The following ANGPT1 variants were observed in gnomAD, a reference collection of about 807,000 sequenced individuals.
The protein encoded by ANGPT1 is angiopoietin 1, also known as angiopoietin-1.
A neutral mutation model predicts 62.2 loss-of-function variants in ANGPT1; 17 were observed. The observed-to-expected ratio is 0.27, with a 90% CI of 0.19 to 0.41. The LOEUF (loss-of-function observed/expected upper bound fraction) is 0.41, where lower values mean the gene tolerates loss of function less well. ANGPT1 is among the 10% of genes least tolerant of loss of function. ANGPT1 has a pLI of 1.00. For synonymous variants in ANGPT1, 199 were observed against 198.9 expected (o/e 1.00, Z 0.00); for missense variants, 478 against 594.9 (o/e 0.80, Z 2.04).
chr8:107,460,422 G>T (rs1381778983), intron 1 of ANGPT1, among the ~76,000 whole-genome samples: 1 of 152,086 alleles, frequency 6.6e-6, no homozygotes, highest in Non-Finnish European at 1.5e-5. Flanking sequence ...AACTAAAAAT[G>T]AAATTAGATA....
At chr8:107,361,146 A>G (rs925523733) in intron 1 of ANGPT1, among the ~76,000 whole-genome samples, 2 of 152,124 alleles carry the variant, frequency 1.3e-5, no homozygotes, top group Non-Finnish European at 2.9e-5. Context: ...GGATTCTAAC[A>G]TTATTATATG....
At chr8:107,440,992 C>T (rs559492122) in intron 1 of ANGPT1, among the ~76,000 whole-genome samples, 2 of 152,142 alleles carry the variant, frequency 1.3e-5, no homozygotes, top group Admixed American at 1.3e-4. Flanking sequence ...TAGCAGAAAC[C>T]AACCATGGCA....
At chr8:107,315,900 C>A (rs1370065073) in intron 4 of ANGPT1, among the ~76,000 whole-genome samples, 1 of 152,102 alleles carries the variant, frequency 6.6e-6, no homozygotes, top group Non-Finnish European at 1.5e-5. Flanking sequence ...TATGATTTTA[C>A]CTCTTGTCTC....
chr8:107,317,111 T>C (rs1815032301), intron 4 of ANGPT1, among the ~76,000 whole-genome samples: 1 of 152,242 alleles, frequency 6.6e-6, no homozygotes, highest in South Asian at 2.1e-4. Flanking sequence ...TATTTCTCTG[T>C]GAGCTTTGCT....
chr8:107,491,548 A>G (rs949126571), intron 1 of ANGPT1, among the ~76,000 whole-genome samples: 6 of 152,178 alleles, frequency 3.9e-5, no homozygotes, highest in Admixed American at 3.3e-4. Context: ...AATGAAGAGA[A>G]GTAGCCAACC....
At chr8:107,468,551 G>A (rs2130492418) in intron 1 of ANGPT1, among the ~76,000 whole-genome samples, 1 of 151,888 alleles carries the variant, frequency 6.6e-6, no homozygotes, top group South Asian at 2.1e-4. Flanking sequence ...AATATTAATA[G>A]CCAGATTAAT....
In ANGPT1 at chr8:107,260,087, T is replaced by C. The variant is rs142680791; in HGVS notation, c.1336+4134A>G. 1.2e-3 allele frequency among the ~76,000 whole-genome samples: 188 copies of C among 152,284 alleles called. 1 individual carries two copies. Among genetic ancestry groups the C allele is most frequent in the African/African-American group, 4.2e-3 (176 of 41,572 alleles). On this transcript the variant is annotated intron_variant, in intron 8 of 8. Coordinates refer to ENST00000517746, the MANE Select transcript of ANGPT1 (RefSeq NM_001146.5). ...ATAGTAATTAACCCCCTTAAACTGA[T>C]AGAAGAAAGCCAAGAAATAAGGAAG...
At chr8:107,485,490 A>C (rs1812791913) in intron 1 of ANGPT1, among the ~76,000 whole-genome samples, 1 of 152,104 alleles carries the variant, frequency 6.6e-6, no homozygotes, top group Admixed American at 6.6e-5. Flanking sequence ...TCAAAACCCA[A>C]ATTTTGAGTG....
intron 4 of ANGPT1, among the ~76,000 whole-genome samples, chr8:107,317,709 C>A (rs931530286): frequency 6.6e-6 from 1 of 151,408 alleles, no homozygotes; most frequent in Non-Finnish European, 1.5e-5. Flanking sequence ...CAGCTCACTG[C>A]AACCTTCGCC....
chr8:107,371,035 C>T (rs189953680), intron 1 of ANGPT1, among the ~76,000 whole-genome samples: 16 of 151,702 alleles, frequency 1.1e-4, no homozygotes, highest in African/African-American at 3.6e-4. Flanking sequence ...CAAGGTAGGC[C>T]TGTACTAAAT....
intron 1 of ANGPT1, among the ~76,000 whole-genome samples, chr8:107,401,157 A>T (rs750456100): frequency 9.9e-5 from 15 of 152,142 alleles, no homozygotes; most frequent in Non-Finnish European, 1.9e-4. Flanking sequence ...ACCACATAAA[A>T]TATTCAAAAC....
intron 1 of ANGPT1, among the ~76,000 whole-genome samples, chr8:107,395,975 T>C (rs534016981): frequency 3.3e-5 from 5 of 152,218 alleles, no homozygotes; most frequent in Non-Finnish European, 5.9e-5. Flanking sequence ...AAGACACTTA[T>C]GTCCTGTTAT....
At chr8:107,450,607 G>A (rs574998285) in intron 1 of ANGPT1, among the ~76,000 whole-genome samples, 2 of 151,758 alleles carry the variant, frequency 1.3e-5, no homozygotes, top group African/African-American at 4.8e-5. Context: ...AACAAACACA[G>A]TAAAGTCTAA....
intron 1 of ANGPT1, among the ~76,000 whole-genome samples, chr8:107,435,774 G>A (rs974472385): frequency 3.9e-5 from 6 of 152,166 alleles, no homozygotes; most frequent in African/African-American, 1.2e-4. Flanking sequence ...CGGGGATGAC[G>A]ATAGGCACTG....
In ANGPT1 at chr8:107,376,456, A is replaced by G. The variant is rs549964752; in HGVS notation, c.298-29359T>C. On this transcript the variant is annotated intron_variant, in intron 1 of 8. Coordinates refer to ENST00000517746, the MANE Select transcript of ANGPT1 (RefSeq NM_001146.5). Reference sequence around the variant, plus strand: ...ACTCAAACCTGATTAGTGTTCAGGGAGGAGGAAGAAAGGAATTGCTATTAG... The same window carrying G: ...ACTCAAACCTGATTAGTGTTCAGGGGGGAGGAAGAAAGGAATTGCTATTAG... Among the ~76,000 whole-genome samples, 8 of 152,322 alleles carry G rather than the reference A, an allele frequency of 5.3e-5. No homozygotes were observed. The South Asian group carries it at 1.7e-3, about 32-fold the overall frequency.
intron 5 of ANGPT1, chr8:107,295,511 T>C (rs910335826): frequency 2.0e-4 from 31 of 152,114 alleles, no homozygotes; most frequent in African/African-American, 7.5e-4. Flanking sequence ...ATGGGTCAGG[T>C]ACTCAAACAT....
chr8:107,404,967 T>C (rs2130341065), intron 1 of ANGPT1, among the ~76,000 whole-genome samples: 3 of 152,206 alleles, frequency 2.0e-5, no homozygotes, highest in Middle Eastern at 6.8e-3. Flanking sequence ...ACATTTATGC[T>C]AATAGCAGTA....
chr8:107,432,384 G>C (rs955885473), intron 1 of ANGPT1, among the ~76,000 whole-genome samples: 3 of 152,142 alleles, frequency 2.0e-5, no homozygotes, highest in African/African-American at 7.2e-5. Context: ...CCTCAGTGAG[G>C]CTGGGCACGG....
At chr8:107,295,421 A>G (rs1429745057) in intron 5 of ANGPT1, 1 of 152,024 alleles carries the variant, frequency 6.6e-6, no homozygotes, top group Non-Finnish European at 1.5e-5. Context: ...TCATTTATTC[A>G]TTTATTTTTT....
Sources: allele counts gnomAD v4.1 joint callset (sites outside exome capture counted in the v4.1 genomes callset), GRCh38; gene constraint gnomAD v4.1.1; transcripts MANE v1.5; gene names NCBI Gene and HGNC (gene_info 2026-07-23, HGNC 2026-07-21).